Variants in CYB5R2 observed in about 807,000 individuals in gnomAD.
CYB5R2 encodes the protein cytochrome b5 reductase 2.
A neutral mutation model predicts 29.8 loss-of-function variants in CYB5R2; 35 were observed. The observed-to-expected ratio is 1.17, with a 90% CI of 0.90 to 1.56. The LOEUF (loss-of-function observed/expected upper bound fraction) is 1.56. CYB5R2 is among the 40% of genes most tolerant of loss of function. The pLI is 0.00. For missense variants in CYB5R2, 419 were observed against 346.7 expected (o/e 1.21, Z -1.66); for synonymous variants, 169 against 130.6 (o/e 1.29, Z -2.01).
intron 8 of CYB5R2, chr11:7,665,930 G>A (rs772338002): frequency 7.8e-6 from 12 of 1,535,678 alleles, no homozygotes; most frequent in African/African-American, 5.5e-5. Flanking sequence ...GCCCTCTGCC[G>A]ACCAGGGACC....
At position 7,665,535 on chromosome 11, in the gene CYB5R2, T is replaced by A. The variant is rs751032684; in HGVS notation, c.670A>T (p.Ser224Cys). The change falls in exon 9 of 9, where the codon AGC (serine) becomes TGC (cysteine). Residue 224 changes from serine (S) to cysteine (C), a missense_variant. Ser to Cys is a moderately radical substitution (Grantham distance 112). Transcript: ENST00000299498. Reference protein sequence around the residue: ...LDRPPIGWKYSSGFVTADMIK... With the variant: ...LDRPPIGWKYCSGFVTADMIK... Reference sequence around the variant, plus strand: ...ATGTCGGCAGTAACGAAGCCTGAGCTGTACTTCCAGCCTGAAATGAAGGAG... The same window carrying A: ...ATGTCGGCAGTAACGAAGCCTGAGCAGTACTTCCAGCCTGAAATGAAGGAG... The A allele has an allele frequency of 2.5e-6, 4 of 1,605,358 alleles. No homozygotes were observed. Among genetic ancestry groups the A allele is most frequent in the Admixed American group, 3.4e-5 (2 of 58,326 alleles).
chr11:7,667,637 G>T, intron 7 of CYB5R2, 91 bp downstream of exon 7: 2 of 1,232,792 alleles, frequency 1.6e-6, no homozygotes, highest in Non-Finnish European at 2.4e-6. Flanking sequence ...CACCCAAGCA[G>T]CATGAGCTCA....
chr11:7,669,549 A>G (rs1855591735), intron 4 of CYB5R2, 76 bp downstream of exon 4: 2 of 1,299,234 alleles, frequency 1.5e-6, no homozygotes, highest in African/African-American at 1.5e-5. Context: ...TCAGAGAAAA[A>G]GCACTGCCCC....
Position 7,665,124 on chromosome 11 carries a change from T to G in CYB5R2, c.*250A>C. ...CTGTCTGCTTTGTACTTGAGTTTAT[T>G]TCACAAAACCACGGAGAAAGATACT... On this transcript the variant is annotated 3_prime_UTR_variant, in exon 9 of 9. Transcript: ENST00000299498. 2.8e-6 allele frequency: 1 copy of G among 363,548 alleles called. No individual in the cohort carries two copies. The highest frequency in any genetic ancestry group is 5.0e-6 in the Non-Finnish European group (1 of 201,686). 22.5% of individuals were successfully genotyped at this position (363,548 alleles called of 1,614,324 possible). A position where few individuals can be genotyped will look rare whatever the true frequency, so the allele number is the denominator to read the frequency against.
Position 7,669,640 on chromosome 11 carries a change from C to T in CYB5R2, c.243G>A (p.Val81=), listed in dbSNP as rs2136123808. The change falls in exon 4 of 9, where the codon GTG becomes GTA. Residue 81 remains valine (V), a synonymous_variant. Coordinates refer to ENST00000299498, the MANE Select transcript of CYB5R2 (RefSeq NM_016229.5). ...CACTATTTACCTTTATAATTAGGTCCACAAAGCCTCTGTCATCATCACTGG... is the reference window on the plus strand; with the variant it reads ...CACTATTTACCTTTATAATTAGGTCTACAAAGCCTCTGTCATCATCACTGG... The part of the protein sequence containing the change: ...PVSSDDDRGF[V]DLIIKIYFKN... 1.2e-6 allele frequency: 2 copies of T among 1,602,944 alleles called. No homozygotes were observed. Among genetic ancestry groups the T allele is most frequent in the Non-Finnish European group, 1.7e-6 (2 of 1,175,654 alleles).
chr11:7,668,858 G>C (rs890674020), intron 5 of CYB5R2: 4 of 576,216 alleles, frequency 6.9e-6, no homozygotes, highest in Non-Finnish European at 1.2e-5. Context: ...ACTCACGGAG[G>C]TGAACCAGTG....
At position 7,665,381 on chromosome 11, in the gene CYB5R2, G is replaced by C; in HGVS notation, c.824C>G (p.Thr275Ser). ...KLGYTQDMIF[T>S]Y ...GCTGAGCACGTGGAGGTGTTAGTAG[G>C]TGAAAATCATGTCCTGGGTATAACC... Residue 275 changes from threonine to serine, a missense_variant, in exon 9 of 9, where the codon ACC (threonine) becomes AGC (serine). Physicochemically the swap from Thr to Ser is moderately conservative, Grantham distance 58. Transcript: ENST00000299498. The C allele has an allele frequency of 6.4e-7, 1 of 1,570,080 alleles. No homozygotes were observed. Among genetic ancestry groups the C allele is most frequent in the Non-Finnish European group, 8.6e-7 (1 of 1,159,962 alleles).
At position 7,665,528 on chromosome 11, in the gene CYB5R2, C is replaced by A. The variant is rs143635546; in HGVS notation, c.677G>T (p.Gly226Val). The A allele has an allele frequency of 2.3e-5, 37 of 1,608,448 alleles. No individual in the cohort carries two copies. The African/African-American group carries it at 4.8e-4, about 21-fold the overall frequency. The change falls in exon 9 of 9, where the codon GGC becomes GTC. Residue 226 changes from glycine (G) to valine (V), a missense_variant. By Grantham distance (109) the Gly-to-Val change is moderately radical. Coordinates refer to ENST00000299498, the MANE Select transcript of CYB5R2 (RefSeq NM_016229.5). ...RPPIGWKYSS[G>V]FVTADMIKEH... ...CTTGATCATGTCGGCAGTAACGAAGCCTGAGCTGTACTTCCAGCCTGAAAT... is the reference window on the plus strand; with the variant it reads ...CTTGATCATGTCGGCAGTAACGAAGACTGAGCTGTACTTCCAGCCTGAAAT...
chr11:7,673,515 C>T (rs1163791074), upstream of CYB5R2: 3 of 985,728 alleles, frequency 3.0e-6, no homozygotes, highest in South Asian at 4.7e-5. Context: ...TTCCGGAATC[C>T]GAGCCGGCCC....
At chr11:7,669,062 G>C in intron 5 of CYB5R2, 143 bp downstream of exon 5, 1 of 1,028,762 alleles carries the variant, frequency 9.7e-7, no homozygotes, top group Non-Finnish European at 1.5e-6. Context: ...TGTAACAAGT[G>C]TGATCATTAT....
Position 7,665,324 on chromosome 11 carries a change from T to A in CYB5R2, c.*50A>T. 1.4e-6 allele frequency: 2 copies of A among 1,420,594 alleles called. No individual in the cohort carries two copies. Among genetic ancestry groups the A allele is most frequent in the Non-Finnish European group, 9.4e-7 (1 of 1,063,364 alleles). The allele number at this position is 1,420,594 out of a possible 1,614,324, so 88.0% of individuals were successfully genotyped here. A position where few individuals can be genotyped will look rare whatever the true frequency, so the allele number is the denominator to read the frequency against. The stretch of plus-strand genomic sequence containing the variant: ...TTTACCGTGGTGAAATTGAACTTAC[T>A]CTGAAACAGATGAAAAGGGACATGC... On this transcript the variant is annotated 3_prime_UTR_variant, in exon 9 of 9. Transcript: ENST00000299498.
chr11:7,669,862 G>A, intron 3 of CYB5R2, 131 bp from the exon 4 acceptor site: 1 of 723,628 alleles, frequency 1.4e-6, no homozygotes. Context: ...GAAGAAGAGA[G>A]CAGGGAAGGA....
At chr11:7,667,543 T>G in intron 7 of CYB5R2, 185 bp downstream of exon 7, 1 of 597,560 alleles carries the variant, frequency 1.7e-6, no homozygotes, top group Non-Finnish European at 3.0e-6. Context: ...AAGAGTTAAA[T>G]ACATGCAAAA....
intron 5 of CYB5R2, chr11:7,668,846 T>A: frequency 1.7e-6 from 1 of 580,482 alleles, no homozygotes. Flanking sequence ...AAGAGCATTC[T>A]CACTCACGGA....
chr11:7,668,606 A>T, intron 5 of CYB5R2, 45 bp from the exon 6 acceptor site: 1 of 1,449,504 alleles, frequency 6.9e-7, no homozygotes, highest in South Asian at 1.1e-5. Context: ...TTCTTGCCTA[A>T]AGAGACTGCA....
At position 7,669,200 on chromosome 11, in the gene CYB5R2, A is replaced by G; in HGVS notation, c.388+5T>C. The G allele has an allele frequency of 6.2e-7, 1 of 1,614,140 alleles. No individual in the cohort carries two copies. Among genetic ancestry groups the G allele is most frequent in the Non-Finnish European group, 8.5e-7 (1 of 1,180,000 alleles). On this transcript the variant is annotated splice_donor_5th_base_variant and intron_variant, in intron 5 of 8. Transcript: ENST00000299498. ...TGGGAGCCCAAGTATTAACCCCTCC[A>G]GTACCTGGCCCATGGTAAAACAAGC...
At chr11:7,673,223 G>C (rs1855869425) in intron 1 of CYB5R2, 196 bp downstream of exon 1, 1 of 443,680 alleles carries the variant, frequency 2.3e-6, no homozygotes, top group Non-Finnish European at 3.5e-6. Context: ...TTGAGGTGAA[G>C]GGGGAGGACA....
chr11:7,665,935 G>C, intron 8 of CYB5R2: 1 of 1,535,846 alleles, frequency 6.5e-7, no homozygotes, highest in Non-Finnish European at 8.7e-7. Context: ...CTGCCGACCA[G>C]GGACCTGTAT....
intron 8 of CYB5R2, chr11:7,665,966 AGCAGTGTGAGAGGCGC>A: frequency 6.6e-7 from 1 of 1,512,918 alleles, no homozygotes; most frequent in Non-Finnish European, 8.9e-7. Flanking sequence ...TACAGCCGGG[AGCAGTGTGAGAGGCGC>A]GCCTGTGGGG....
Sources: gnomAD v4.1 joint callset for allele counts on GRCh38, gnomAD v4.1.1 for gene constraint, MANE v1.5 for transcripts, NCBI Gene and HGNC (gene_info 2026-07-23, HGNC 2026-07-21) for gene names.